NFKBID: variants seen among roughly 807,000 people sequenced by gnomAD.
NFKBID encodes the protein NF-kappa-B inhibitor delta.
A neutral mutation model predicts 53.4 loss-of-function variants in NFKBID; 26 were observed. That is an observed-to-expected ratio of 0.49 (90% CI 0.36 to 0.68). The LOEUF (loss-of-function observed/expected upper bound fraction) is 0.68, where lower values mean the gene tolerates loss of function less well. Among genes scored for constraint, NFKBID ranks in the 30% least tolerant of loss-of-function variants. NFKBID has a pLI of 0.00. For missense variants in NFKBID, 493 were observed against 614.1 expected (o/e 0.80, Z 2.08); for synonymous variants, 262 against 259.8 (o/e 1.01, Z -0.08).
chr19:35,895,480 C>A (rs1014754405), intron 9 of NFKBID, among the ~76,000 whole-genome samples: 18 of 150,264 alleles, frequency 1.2e-4, no homozygotes, highest in Non-Finnish European at 7.4e-5. Context: ...AGAGTGAGAC[C>A]CTGTCTCAAA....
chr19:35,892,543 C>CAAAAAAA (rs112001334), intron 9 of NFKBID, among the ~76,000 whole-genome samples: 5 of 112,280 alleles, frequency 4.5e-5, no homozygotes, highest in African/African-American at 1.7e-4. Context: ...GACTCCATCT[C>CAAAAAAA]AAAAAAAAAA....
At position 35,890,324 on chromosome 19, in the gene NFKBID, C is replaced by T. The variant is rs763237350; in HGVS notation, c.1149+50G>A. 5.4e-6 allele frequency: 7 copies of T among 1,296,784 alleles called. No individual in the cohort carries two copies. In the East Asian group the frequency reaches 7.0e-5, roughly 13 times the overall value. The allele number at this position is 1,296,784 out of a possible 1,614,324, so 80.3% of individuals were successfully genotyped here. ...CCCAGGACCCCTAACATCCCACTGCCCCCCCTACCGTACCCCACACAATCT... is the reference window on the plus strand; with the variant it reads ...CCCAGGACCCCTAACATCCCACTGCTCCCCCTACCGTACCCCACACAATCT... On this transcript the variant is annotated intron_variant, in intron 10 of 11. Transcript: ENST00000641389.
intron 9 of NFKBID, among the ~76,000 whole-genome samples, chr19:35,894,122 G>C (rs1239633428): frequency 6.6e-6 from 1 of 151,800 alleles, no homozygotes; most frequent in Non-Finnish European, 1.5e-5. Context: ...AGCCAAGCGT[G>C]GTGGTGCATG....
intron 9 of NFKBID, among the ~76,000 whole-genome samples, chr19:35,895,004 A>C (rs931570148): frequency 6.6e-6 from 1 of 152,000 alleles, no homozygotes; most frequent in Non-Finnish European, 1.5e-5. Flanking sequence ...AAAAAGAAAA[A>C]AAAAAAGATT....
At chr19:35,895,881 G>A (rs1245799463) in intron 9 of NFKBID, 99 bp downstream of exon 9, 15 of 1,121,294 alleles carry the variant, frequency 1.3e-5, no homozygotes, top group Non-Finnish European at 2.0e-5. Context: ...CACGCAGCAA[G>A]GAAGAGGCAA....
At chr19:35,901,602 TAGAG>T (rs1975568221), upstream of NFKBID, 1 of 152,726 alleles carries the variant, frequency 6.5e-6, no homozygotes, top group African/African-American at 2.4e-5. Context: ...TTTTTATTGT[TAGAG>T]AGAGGGTCTC....
exon 2 of NFKBID, chr19:35,898,724 C>T (rs950843943): frequency 6.5e-7 from 1 of 1,535,588 alleles, no homozygotes; most frequent in Non-Finnish European, 8.7e-7. Flanking sequence ...CTCACCTGCA[C>T]CCCGCCAGCG....
At chr19:35,902,129 G>T, upstream of NFKBID, 1 of 702,366 alleles carries the variant, frequency 1.4e-6, no homozygotes, top group Non-Finnish European at 2.6e-6. Flanking sequence ...CAGGGAGATT[G>T]TCAGGCATTT....
upstream of NFKBID, chr19:35,900,803 TTTTC>T (rs1174025823): frequency 5.4e-6 from 2 of 373,440 alleles, no homozygotes; most frequent in African/African-American, 4.2e-5. Context: ...ATTTCTTTTC[TTTTC>T]TTTTTCTTTT....
chr19:35,901,240 C>T (rs1000968616), upstream of NFKBID, among the ~76,000 whole-genome samples: 4 of 151,384 alleles, frequency 2.6e-5, no homozygotes, highest in Non-Finnish European at 4.4e-5. Flanking sequence ...GGGGTGGGGG[C>T]AGGGAGAATA....
exon 1 of NFKBID, chr19:35,900,453 C>T (rs1460244161): frequency 5.4e-5 from 66 of 1,231,840 alleles, no homozygotes; most frequent in Non-Finnish European, 6.5e-5. Context: ...TCGGGGATTC[C>T]GTGGCGTGGA....
chr19:35,889,894 T>C, exon 11 of NFKBID: 3 of 1,606,926 alleles, frequency 1.9e-6, no homozygotes, highest in African/African-American at 1.3e-5. Context: ...ACTTACCCCC[T>C]CAGGGCCCGG....
intron 10 of NFKBID, 152 bp from the exon 11 acceptor site, chr19:35,890,206 T>C: frequency 2.2e-6 from 2 of 904,182 alleles, no homozygotes; most frequent in South Asian, 1.6e-5. Flanking sequence ...TGCATCCCTG[T>C]GTCCACGGAC....
At chr19:35,888,758 TG>T (rs1208284580) in intron 11 of NFKBID, 146 bp from the exon 12 acceptor site, 10 of 666,138 alleles carry the variant, frequency 1.5e-5, no homozygotes, top group Non-Finnish European at 2.4e-5. Context: ...GTCAAGATTT[TG>T]GAAGAGCCAG....
intron 3 of NFKBID, among the ~76,000 whole-genome samples, chr19:35,898,209 C>G (rs1354347319): frequency 6.6e-6 from 1 of 152,028 alleles, no homozygotes; most frequent in African/African-American, 2.4e-5. Context: ...ATTAGCCAAG[C>G]AAGGTGGCAT....
At chr19:35,901,239 G>A (rs1341307378), upstream of NFKBID, among the ~76,000 whole-genome samples, 1 of 151,958 alleles carries the variant, frequency 6.6e-6, no homozygotes, top group Non-Finnish European at 1.5e-5. Flanking sequence ...TGGGGTGGGG[G>A]CAGGGAGAAT....
chr19:35,889,581 G>A (rs1974609172), intron 11 of NFKBID, among the ~76,000 whole-genome samples: 2 of 151,980 alleles, frequency 1.3e-5, no homozygotes, highest in African/African-American at 4.8e-5. Flanking sequence ...TTAGGGGCAG[G>A]GGGTAGGAGG....
At chr19:35,893,935 T>C (rs905152978) in intron 9 of NFKBID, among the ~76,000 whole-genome samples, 1 of 151,946 alleles carries the variant, frequency 6.6e-6, no homozygotes, top group African/African-American at 2.4e-5. Flanking sequence ...CTATATTTTA[T>C]TGGTGTTCAA....
intron 4 of NFKBID, 21 bp from the exon 5 acceptor site, chr19:35,897,079 C>T (rs756941268): frequency 7.5e-6 from 12 of 1,590,722 alleles, no homozygotes; most frequent in Non-Finnish European, 1.0e-5. Context: ...GAAGATCCTA[C>T]ATAGAACTGG....
Sources: allele counts gnomAD v4.1 joint callset (sites outside exome capture counted in the v4.1 genomes callset), GRCh38; gene constraint gnomAD v4.1.1; transcripts MANE v1.5; gene names NCBI Gene and HGNC (gene_info 2026-07-23, HGNC 2026-07-21).